The following NSD1 variants were observed in gnomAD, a reference collection of about 807,000 sequenced individuals.
NSD1 encodes the protein nuclear receptor binding SET domain protein 1.
NSD1 carries 26 observed loss-of-function variants against 242.7 expected under a neutral mutation model. That is an observed-to-expected ratio of 0.11 (90% CI 0.08 to 0.15). The LOEUF (loss-of-function observed/expected upper bound fraction) is 0.15. Ranked by LOEUF, NSD1 falls within the 10% of genes least tolerant of loss-of-function variation. The pLI is 1.00. For missense variants in NSD1, 2,495 were observed against 3,272.8 expected (o/e 0.76, Z 5.80); for synonymous variants, 1,106 against 1,178.1 (o/e 0.94, Z 1.25).
rs1200211885 is a variant in NSD1 at position 177,135,523 on chromosome 5, A to G, written c.420A>G (p.Val140=). Residue 140 remains valine (V), a synonymous_variant, in exon 2 of 23, where the codon GTA becomes GTG. Transcript: ENST00000439151. Reference sequence around the variant, plus strand: ...GTAATAACTCCCCTGAACTCCAGGTAAAAGTAACAAAGACTATCAAGAATG... The same window carrying G: ...GTAATAACTCCCCTGAACTCCAGGTGAAAGTAACAAAGACTATCAAGAATG... The part of the protein sequence containing the change: ...PSCNNSPELQ[V]KVTKTIKNGF... The G allele has an allele frequency of 3.1e-6, 5 of 1,614,124 alleles. No individual in the cohort carries two copies. The highest frequency in any genetic ancestry group is 1.3e-5 in the African/African-American group (1 of 74,950).
intron 2 of NSD1, among the ~76,000 whole-genome samples, chr5:177,190,129 T>A (rs1242785376): frequency 2.0e-5 from 3 of 152,002 alleles, no homozygotes; most frequent in Non-Finnish European, 2.9e-5. Context: ...GCTAATTTTT[T>A]AAATTTTTTG....
Position 177,154,457 on chromosome 5 carries a change from T to A in NSD1, c.927+18427T>A, listed in dbSNP as rs1302350700. On this transcript the variant is annotated intron_variant, in intron 2 of 22. Coordinates refer to ENST00000439151, the MANE Select transcript of NSD1 (RefSeq NM_022455.5). The stretch of plus-strand genomic sequence containing the variant: ...TTTTACTTTTAAGCTGACCCAATCA[T>A]TTTTCAGATTGAAGTTTTGAATAGA... Among the ~76,000 whole-genome samples the A allele has an allele frequency of 2.6e-5, 4 of 152,276 alleles. No individual in the cohort carries two copies. In the East Asian group the frequency reaches 7.7e-4, roughly 29 times the overall value.
chr5:177,293,426 C>CTT (rs1169900457), intron 22 of NSD1, among the ~76,000 whole-genome samples: 1 of 152,018 alleles, frequency 6.6e-6, no homozygotes, highest in South Asian at 2.1e-4. Context: ...GGATATTTCT[C>CTT]TTTGAGTTGC....
chr5:177,298,203 AG>A lies in NSD1; in HGVS notation c.*2747del, dbSNP rs1489784507. On this transcript the variant is annotated 3_prime_UTR_variant, in exon 23 of 23. Transcript: ENST00000439151. Reference sequence around the variant, plus strand: ...GTTTGTAATAAGACCCCTTTTCCAAAGGGATGTGAATTGGAGTGAAAAGGAA... The same window carrying A: ...GTTTGTAATAAGACCCCTTTTCCAAAGGATGTGAATTGGAGTGAAAAGGAA... 8.6e-6 allele frequency: 2 copies of A among 233,094 alleles called. No homozygotes were observed. Among genetic ancestry groups the A allele is most frequent in the Non-Finnish European group, 1.7e-5 (2 of 118,034 alleles). 14.4% of individuals were successfully genotyped at this position (233,094 alleles called of 1,614,324 possible). A position where few individuals can be genotyped will look rare whatever the true frequency, so the allele number is the denominator to read the frequency against.
intron 3 of NSD1, among the ~76,000 whole-genome samples, chr5:177,202,535 T>G (rs1312510961): frequency 1.3e-5 from 2 of 152,058 alleles, no homozygotes; most frequent in Non-Finnish European, 2.9e-5. Flanking sequence ...CATGCCACCA[T>G]CCTCAGCCAG....
At chr5:177,222,277 C>CA (rs1265778553) in intron 5 of NSD1, among the ~76,000 whole-genome samples, 2 of 152,128 alleles carry the variant, frequency 1.3e-5, no homozygotes, top group African/African-American at 4.8e-5. Context: ...TACAGGCGCG[C>CA]ACCACCACGC....
At chr5:177,158,241 C>CTT (rs1215964072) in intron 2 of NSD1, among the ~76,000 whole-genome samples, 2 of 39,262 alleles carry the variant, frequency 5.1e-5, no homozygotes, top group African/African-American at 1.8e-4. Context: ...GTTCTAATTT[C>CTT]TTTCTTTCTT....
chr5:177,226,569 C>A (rs1243806821), intron 5 of NSD1, among the ~76,000 whole-genome samples: 3 of 152,182 alleles, frequency 2.0e-5, no homozygotes, highest in Non-Finnish European at 4.4e-5. Flanking sequence ...AGAGATCCTC[C>A]TGCCTCAGCC....
intron 5 of NSD1, among the ~76,000 whole-genome samples, chr5:177,228,466 C>G (rs527465028): frequency 2.4e-4 from 36 of 152,068 alleles, no homozygotes; most frequent in Non-Finnish European, 4.7e-4. Flanking sequence ...ATCCACCTGC[C>G]TCGACCTCCC....
At chr5:177,161,657 A>T (rs1440123360) in intron 2 of NSD1, among the ~76,000 whole-genome samples, 8 of 145,698 alleles carry the variant, frequency 5.5e-5, no homozygotes, top group African/African-American at 2.0e-4. Context: ...TTATTTATAA[A>T]CCTGTTTTCT....
chr5:177,200,694 C>T (rs927305972), intron 3 of NSD1, among the ~76,000 whole-genome samples: 3 of 152,052 alleles, frequency 2.0e-5, no homozygotes, highest in Non-Finnish European at 2.9e-5. Flanking sequence ...ATCATAATGT[C>T]TTCTAAGTTC....
rs1756253390 is a variant in NSD1 at position 177,135,643 on chromosome 5, A to G, written c.540A>G (p.Ile180Met). 1.2e-6 allele frequency: 2 copies of G among 1,614,130 alleles called. No homozygotes were observed. The highest frequency in any genetic ancestry group is 1.7e-6 in the Non-Finnish European group (2 of 1,180,044). ...PEQPVTEDES[I>M]EEIFEETQTN... ...AGCCAGTCACAGAGGATGAGAGTAT[A>G]GAGGAGATCTTTGAGGAAACTCAGA... Residue 180 changes from isoleucine to methionine, a missense_variant, in exon 2 of 23, where the codon ATA (isoleucine) becomes ATG (methionine). Coordinates refer to ENST00000439151, the MANE Select transcript of NSD1 (RefSeq NM_022455.5).
At chr5:177,190,835 A>T (rs1168945396) in intron 2 of NSD1, among the ~76,000 whole-genome samples, 1 of 147,818 alleles carries the variant, frequency 6.8e-6, no homozygotes, top group African/African-American at 2.6e-5. Flanking sequence ...ATGCCCAGCT[A>T]ATTTTTTATT....
rs965887679 is a variant in NSD1 at position 177,210,697 on chromosome 5, G to A, written c.2298G>A (p.Ser766=). ...CATCAAGCATATCCAGTGAGAACTC[G>A]TTAATAAAGGGTGGGGCAGCAAATC... is the stretch of plus-strand genomic sequence containing the variant. ...NLSSSISSEN[S]LIKGGAANQA... is the part of the protein sequence containing the mutation. Residue 766 remains serine (S), a synonymous_variant, in exon 5 of 23, where the codon TCG becomes TCA. Coordinates refer to ENST00000439151, the MANE Select transcript of NSD1 (RefSeq NM_022455.5). The A allele has an allele frequency of 2.5e-6, 4 of 1,614,014 alleles. No individual in the cohort carries two copies. Among genetic ancestry groups the A allele is most frequent in the South Asian group, 1.1e-5 (1 of 91,080 alleles).
At chr5:177,249,530 G>A (rs372457226) in intron 11 of NSD1, among the ~76,000 whole-genome samples, 7 of 151,934 alleles carry the variant, frequency 4.6e-5, no homozygotes, top group African/African-American at 1.5e-4. Context: ...GCAGTGGCGC[G>A]ATCTCTGCTC....
chr5:177,146,167 C>T (rs1487343455), intron 2 of NSD1, among the ~76,000 whole-genome samples: 5 of 149,658 alleles, frequency 3.3e-5, no homozygotes, highest in African/African-American at 7.4e-5. Context: ...TCTAATACCA[C>T]ACAACCAGAA....
intron 2 of NSD1, among the ~76,000 whole-genome samples, chr5:177,139,444 C>CAAAAAA (rs1281688922): frequency 3.4e-5 from 2 of 59,530 alleles, no homozygotes; most frequent in Admixed American, 3.8e-4. Context: ...GACTCCATCT[C>CAAAAAA]AAAAAAAAAA....
chr5:177,149,950 T>C lies in NSD1; in HGVS notation c.927+13920T>C, dbSNP rs149249600. Among the ~76,000 whole-genome samples the C allele has an allele frequency of 6.6e-3, 1,003 of 152,086 alleles. 7 individuals are homozygous for C. Among genetic ancestry groups the C allele is most frequent in the African/African-American group, 0.018 (745 of 41,514 alleles). ...AACCATACTTTCTTTATTTCTTTTCTTTTTTTGAGACAGTCTTACTCTGTC... is the reference window on the plus strand; with the variant it reads ...AACCATACTTTCTTTATTTCTTTTCCTTTTTTGAGACAGTCTTACTCTGTC... On this transcript the variant is annotated intron_variant, in intron 2 of 22. Transcript: ENST00000439151.
chr5:177,235,724 C>T, intron 5 of NSD1, 97 bp from the exon 6 acceptor site: 3 of 1,506,292 alleles, frequency 2.0e-6, no homozygotes, highest in Non-Finnish European at 2.8e-6. Context: ...TGTGGTTTCC[C>T]ATCTGGTTAC....
Sources: allele counts gnomAD v4.1 joint callset (sites outside exome capture counted in the v4.1 genomes callset), GRCh38; gene constraint gnomAD v4.1.1; transcripts MANE v1.5; gene names NCBI Gene and HGNC (gene_info 2026-07-23, HGNC 2026-07-21).